GRM7: variants seen among roughly 807,000 people sequenced by gnomAD.
The protein encoded by GRM7 is metabotropic glutamate receptor 7.
A neutral mutation model predicts 84.5 loss-of-function variants in GRM7; 35 were observed. The ratio of observed to expected loss-of-function variants is 0.41; its 90% confidence interval spans 0.32 to 0.55. The LOEUF (loss-of-function observed/expected upper bound fraction) is 0.55, where lower values mean the gene tolerates loss of function less well. Among genes scored for constraint, GRM7 ranks in the 20% least tolerant of loss-of-function variants. GRM7 has a pLI of 0.19. For synonymous variants in GRM7, 487 were observed against 455.1 expected (o/e 1.07, Z -0.89); for missense variants, 1,003 against 1,194.6 (o/e 0.84, Z 2.36).
chr3:7,003,855 TG>T (rs1448880292), intron 1 of GRM7, among the ~76,000 whole-genome samples: 1 of 152,174 alleles, frequency 6.6e-6, no homozygotes, highest in Non-Finnish European at 1.5e-5. Context: ...TTAGCTAACT[TG>T]GGGTATCTCA....
chr3:7,639,792 TG>T (rs1212148110), intron 8 of GRM7, among the ~76,000 whole-genome samples: 151 of 152,322 alleles, frequency 9.9e-4, no homozygotes, highest in Admixed American at 1.8e-3. Flanking sequence ...TGTACACTTA[TG>T]TAACTGTCGC....
chr3:7,023,446 G>A (rs1227768496), intron 1 of GRM7, among the ~76,000 whole-genome samples: 8 of 152,112 alleles, frequency 5.3e-5, no homozygotes. Flanking sequence ...CACTCAGCAT[G>A]CCCAGGTGCC....
chr3:6,972,664 G>T (rs901051335), intron 1 of GRM7, among the ~76,000 whole-genome samples: 8 of 152,174 alleles, frequency 5.3e-5, no homozygotes, highest in African/African-American at 1.9e-4. Context: ...CTGTGCTTTA[G>T]GACTGACAGA....
intron 7 of GRM7, among the ~76,000 whole-genome samples, chr3:7,496,047 A>T (rs1699690800): frequency 6.6e-6 from 1 of 152,184 alleles, no homozygotes; most frequent in African/African-American, 2.4e-5. Context: ...TTTATCCATG[A>T]AACTCATCCT....
At chr3:7,207,510 C>G (rs1427018729) in intron 2 of GRM7, among the ~76,000 whole-genome samples, 1 of 152,136 alleles carries the variant, frequency 6.6e-6, no homozygotes, top group South Asian at 2.1e-4. Flanking sequence ...CTGTCTTAAC[C>G]TCAACAGAAA....
At chr3:7,241,549 T>C (rs912460012) in intron 2 of GRM7, among the ~76,000 whole-genome samples, 2 of 152,158 alleles carry the variant, frequency 1.3e-5, no homozygotes, top group Non-Finnish European at 2.9e-5. Flanking sequence ...GATTTACTTT[T>C]GTATTACATA....
chr3:7,544,407 C>T (rs1323858302), intron 7 of GRM7, among the ~76,000 whole-genome samples: 1 of 152,150 alleles, frequency 6.6e-6, no homozygotes, highest in African/African-American at 2.4e-5. Flanking sequence ...CCTCCCTCCT[C>T]AGCCTCGCAA....
At chr3:7,048,553 C>T (rs1696880625) in intron 1 of GRM7, among the ~76,000 whole-genome samples, 2 of 151,504 alleles carry the variant, frequency 1.3e-5, no homozygotes, top group East Asian at 1.9e-4. Context: ...AGATTTATAG[C>T]TTTAGAAAGA....
At chr3:7,228,101 A>G (rs1697041006) in intron 2 of GRM7, among the ~76,000 whole-genome samples, 1 of 152,130 alleles carries the variant, frequency 6.6e-6, no homozygotes, top group Non-Finnish European at 1.5e-5. Flanking sequence ...TGAGTCCATA[A>G]ATCTGGTGAG....
rs1425135819 is a variant in GRM7, at chr3:7,146,623, G to A, written c.691G>A (p.Gly231Arg). 2 of 1,613,918 alleles carry A rather than the reference G, an allele frequency of 1.2e-6. No homozygotes were observed. The highest frequency in any genetic ancestry group is 1.7e-6 in the Non-Finnish European group (2 of 1,179,928). The change falls in exon 2 of 10, where the codon GGA (glycine) becomes AGA (arginine). Residue 231 changes from glycine to arginine, a missense_variant. By Grantham distance (125) the Gly-to-Arg change is moderately radical (BLOSUM62 -2). Transcript: ENST00000357716. ...VSTLASEGSY[G>R]EKGVESFTQI... ...TACCCTCGCATCGGAAGGAAGTTAT[G>A]GAGAGAAAGGTGTGGAGTCCTTCAC...
chr3:6,942,562 T>A (rs983922387), intron 1 of GRM7, among the ~76,000 whole-genome samples: 2 of 152,170 alleles, frequency 1.3e-5, no homozygotes, highest in Non-Finnish European at 2.9e-5. Flanking sequence ...ATATTAATAG[T>A]GTATTCCTTT....
chr3:6,992,142 T>C (rs1313906155), intron 1 of GRM7, among the ~76,000 whole-genome samples: 2 of 152,222 alleles, frequency 1.3e-5, no homozygotes, highest in East Asian at 1.9e-4. Context: ...ATCTCAAAAG[T>C]AGGCTTTTGT....
At chr3:7,682,312 G>T (rs1273836482) in intron 9 of GRM7, 2 of 140,750 alleles carry the variant, frequency 1.4e-5, no homozygotes, top group Non-Finnish European at 3.0e-5. Context: ...CTCCAGCCTG[G>T]GCAACAAGAG....
intron 7 of GRM7, among the ~76,000 whole-genome samples, chr3:7,468,537 A>G (rs1575382933): frequency 1.3e-5 from 2 of 152,306 alleles, no homozygotes; most frequent in Admixed American, 1.3e-4. Context: ...ATGTTCAGCA[A>G]ATGTTAGCCG....
At position 7,554,366 on chromosome 3, in the gene GRM7, A is replaced by C. The variant is rs143459325; in HGVS notation, c.1516-24056A>C. On this transcript the variant is annotated intron_variant, in intron 7 of 9. Coordinates refer to ENST00000357716, the MANE Select transcript of GRM7 (RefSeq NM_000844.4). The stretch of plus-strand genomic sequence containing the variant: ...ACAATCATGTAACAAATATCGCTAC[A>C]CGGGCACTTCAGGCTGGACTCTTGC... 2.6e-5 allele frequency among the ~76,000 whole-genome samples: 4 copies of C among 152,308 alleles called. No individual in the cohort carries two copies. In the East Asian group the frequency reaches 7.7e-4, roughly 29 times the overall value.
intron 5 of GRM7, among the ~76,000 whole-genome samples, chr3:7,433,404 T>C (rs965060810): frequency 3.9e-5 from 6 of 152,342 alleles, no homozygotes; most frequent in African/African-American, 1.4e-4. Flanking sequence ...ATACCACCTC[T>C]TGTGGGATGT....
At chr3:7,560,178 G>T (rs1693948067) in intron 7 of GRM7, 1 of 152,008 alleles carries the variant, frequency 6.6e-6, no homozygotes, top group Admixed American at 6.6e-5. Context: ...AGTACCATAT[G>T]ACACCTAGGT....
rs768440575 is a variant in GRM7 at position 7,680,282 on chromosome 3, C to T, written c.2685C>T (p.Asn895=). 7 of 1,614,014 alleles carry T rather than the reference C, an allele frequency of 4.3e-6. No homozygotes were observed. The highest frequency in any genetic ancestry group is 2.2e-5 in the East Asian group (1 of 44,890). Residue 895 remains asparagine (N), a synonymous_variant, in exon 9 of 10, where the codon AAC becomes AAT. Transcript: ENST00000357716. ...NGEAKTELCE[N]VDPNSPAAKK... Reference sequence around the variant, plus strand: ...AGGCAAAGACCGAGCTCTGTGAAAACGTAGACCCAAACAGTAAGTAACTCT... The same window carrying T: ...AGGCAAAGACCGAGCTCTGTGAAAATGTAGACCCAAACAGTAAGTAACTCT...
At chr3:7,604,652 T>A (rs1234545679) in intron 8 of GRM7, among the ~76,000 whole-genome samples, 3 of 152,216 alleles carry the variant, frequency 2.0e-5, no homozygotes, top group African/African-American at 7.2e-5. Flanking sequence ...TAACAGAACA[T>A]CATCCTAAAA....
Sources: gnomAD v4.1 joint callset for allele counts (sites outside exome capture counted in the v4.1 genomes callset) on GRCh38, gnomAD v4.1.1 for gene constraint, MANE v1.5 for transcripts, NCBI Gene and HGNC (gene_info 2026-07-23, HGNC 2026-07-21) for gene names.